The following DPH5 variants were observed in gnomAD, a reference collection of about 807,000 sequenced individuals.
DPH5 encodes diphthamide biosynthesis 5.
DPH5 carries 31 observed loss-of-function variants against 31.6 expected under a neutral mutation model. The observed-to-expected ratio is 0.98, with a 90% CI of 0.74 to 1.32. DPH5 has a LOEUF of 1.32. DPH5 is among the 40% of genes most tolerant of loss of function. The probability of loss-of-function intolerance (pLI) is 0.00; values close to 1 mark genes in which losing one functional copy is unlikely to be tolerated. For synonymous variants in DPH5, 120 were observed against 115.0 expected (o/e 1.04, Z -0.28); for missense variants, 309 against 335.7 (o/e 0.92, Z 0.62).
intron 4 of DPH5, 142 bp from the exon 5 acceptor site, chr1:101,001,729 A>T: frequency 1.5e-6 from 1 of 654,404 alleles, no homozygotes; most frequent in Non-Finnish European, 2.5e-6. Flanking sequence ...TCACCAAAAA[A>T]GGTAACAGGA....
At chr1:100,995,086 T>C (rs757912104) in intron 6 of DPH5, 24 bp downstream of exon 6, 2 of 1,519,690 alleles carry the variant, frequency 1.3e-6, no homozygotes, top group African/African-American at 1.4e-5. Context: ...AACACATGTA[T>C]GCATTCTCAG....
At position 101,021,979 on chromosome 1, in the gene DPH5, C is replaced by G. The variant is rs550026411; in HGVS notation, c.136-214G>C. 1.8e-4 allele frequency among the ~76,000 whole-genome samples: 28 copies of G among 152,246 alleles called. 1 individual carries two copies. The South Asian group carries it at 4.4e-3, about 24-fold the overall frequency. The stretch of plus-strand genomic sequence containing the variant: ...AATTAAACTCTGTATTTGGGGCTGT[C>G]TTAATATCCCAAAGGAGGCGGAACT... On this transcript the variant is annotated intron_variant, in intron 2 of 7. Transcript: ENST00000370109.
intron 3 of DPH5, among the ~76,000 whole-genome samples, chr1:101,018,741 A>G (rs1368264586): frequency 6.6e-6 from 1 of 152,214 alleles, no homozygotes; most frequent in African/African-American, 2.4e-5. Flanking sequence ...ACACCTTTTG[A>G]TATTTTATTC....
intron 5 of DPH5, among the ~76,000 whole-genome samples, chr1:101,001,230 AG>A (rs1377253976): frequency 6.6e-6 from 1 of 152,242 alleles, no homozygotes; most frequent in Non-Finnish European, 1.5e-5. Context: ...CTACTAGGGC[AG>A]GGCATAAGAG....
chr1:101,025,613 G>C, intron 1 of DPH5, 70 bp downstream of exon 1: 1 of 757,696 alleles, frequency 1.3e-6, no homozygotes, highest in Non-Finnish European at 2.1e-6. Flanking sequence ...CTTAAGAACT[G>C]GGATAAGAGG....
chr1:101,024,421 CAT>C (rs535792368), intron 2 of DPH5, among the ~76,000 whole-genome samples: 24 of 152,138 alleles, frequency 1.6e-4, no homozygotes, highest in Non-Finnish European at 2.9e-4. Context: ...TCTCTCTCCA[CAT>C]ATATGTATAT....
intron 3 of DPH5, among the ~76,000 whole-genome samples, chr1:101,019,266 A>T (rs569983802): frequency 9.2e-5 from 14 of 152,256 alleles, no homozygotes; most frequent in South Asian, 6.2e-4. Flanking sequence ...TATTCCTTTC[A>T]ATAACCTGGG....
chr1:101,022,701 G>A (rs1311409033), intron 2 of DPH5, among the ~76,000 whole-genome samples: 1 of 152,172 alleles, frequency 6.6e-6, no homozygotes, highest in Non-Finnish European at 1.5e-5. Context: ...AAGGATTGCT[G>A]TAGTGCAACG....
chr1:101,005,966 G>T (rs920431489), intron 4 of DPH5, among the ~76,000 whole-genome samples: 1 of 152,158 alleles, frequency 6.6e-6, no homozygotes, highest in Non-Finnish European at 1.5e-5. Flanking sequence ...GTGATAGTGA[G>T]TTCTCACAAG....
chr1:101,022,535 T>C (rs1006197011), intron 2 of DPH5, among the ~76,000 whole-genome samples: 5 of 152,216 alleles, frequency 3.3e-5, no homozygotes, highest in African/African-American at 1.2e-4. Context: ...TTTCTTTTTT[T>C]TCATCTCGTC....
chr1:101,023,153 A>C (rs1660584907), intron 2 of DPH5: 1 of 152,234 alleles, frequency 6.6e-6, no homozygotes, highest in African/African-American at 2.4e-5. Context: ...AGATCGCACC[A>C]CTGCATTCCA....
At chr1:100,997,292 A>G (rs1434972979) in intron 5 of DPH5, among the ~76,000 whole-genome samples, 1 of 152,204 alleles carries the variant, frequency 6.6e-6, no homozygotes, top group Non-Finnish European at 1.5e-5. Context: ...CACTCAATAA[A>G]TACCTGTACA....
intron 4 of DPH5, among the ~76,000 whole-genome samples, chr1:101,008,790 T>C (rs141075799): frequency 6.6e-6 from 1 of 152,322 alleles, no homozygotes; most frequent in African/African-American, 2.4e-5. Context: ...GTATAATTCA[T>C]TTTTTTAACC....
chr1:101,018,368 G>T (rs947070990), intron 3 of DPH5, among the ~76,000 whole-genome samples: 1 of 151,700 alleles, frequency 6.6e-6, no homozygotes, highest in South Asian at 2.1e-4. Flanking sequence ...CTCCTGAGTA[G>T]CTGGGATTAC....
intron 3 of DPH5, among the ~76,000 whole-genome samples, chr1:101,014,417 G>T (rs977371854): frequency 2.0e-5 from 3 of 152,256 alleles, no homozygotes; most frequent in Admixed American, 6.5e-5. Flanking sequence ...ATACTATACT[G>T]TAGTCTGTTA....
At chr1:101,025,545 A>G in intron 1 of DPH5, 79 bp from the exon 2 acceptor site, 1 of 1,418,518 alleles carries the variant, frequency 7.0e-7, no homozygotes, top group South Asian at 1.3e-5. Context: ...GATGACAACC[A>G]AAGTAGCACA....
intron 4 of DPH5, among the ~76,000 whole-genome samples, chr1:101,012,661 G>A (rs570575879): frequency 6.6e-6 from 1 of 152,290 alleles, no homozygotes; most frequent in South Asian, 2.1e-4. Context: ...TTTTTAAAAA[G>A]TATGCATTTT....
At chr1:101,021,845 CA>C in intron 2 of DPH5, 80 bp from the exon 3 acceptor site, 3 of 1,327,020 alleles carry the variant, frequency 2.3e-6, no homozygotes, top group Non-Finnish European at 3.1e-6. Flanking sequence ...CACACACACA[CA>C]CACACACACA....
At chr1:101,016,253 G>T (rs1040205213) in intron 3 of DPH5, among the ~76,000 whole-genome samples, 3 of 151,744 alleles carry the variant, frequency 2.0e-5, no homozygotes, top group African/African-American at 7.3e-5. Flanking sequence ...ACTCGGGAGG[G>T]TGAGGCAGGA....
Sources: allele counts gnomAD v4.1 joint callset (sites outside exome capture counted in the v4.1 genomes callset), GRCh38; gene constraint gnomAD v4.1.1; transcripts MANE v1.5; gene names NCBI Gene and HGNC (gene_info 2026-07-23, HGNC 2026-07-21).